Variants in CEP128 observed in about 807,000 individuals in gnomAD.
CEP128 encodes the protein centrosomal protein 128kDa.
Under a neutral mutation model 156.7 loss-of-function variants are expected in CEP128, and 132 were observed. The ratio of observed to expected loss-of-function variants is 0.84; its 90% confidence interval spans 0.73 to 0.97. The LOEUF is 0.97. CEP128 is among the 50% of genes least tolerant of loss of function. The probability of loss-of-function intolerance (pLI) is 0.00; values close to 1 mark genes in which losing one functional copy is unlikely to be tolerated. For synonymous variants in CEP128, 469 were observed against 448.9 expected, an observed-to-expected ratio of 1.04 and a Z score of -0.57; for missense variants, 1,252 against 1,281.9, an observed-to-expected ratio of 0.98 and a Z score of 0.36.
chr14:80,957,900 A>G (rs1886788055), intron 2 of CEP128: 1 of 152,248 alleles, frequency 6.6e-6, no homozygotes, highest in Non-Finnish European at 1.5e-5. Flanking sequence ...CAAGAAAAAG[A>G]CATAAAGACA....
intron 8 of CEP128, among the ~76,000 whole-genome samples, chr14:80,893,358 C>A (rs958175034): frequency 6.6e-6 from 1 of 151,628 alleles, no homozygotes; most frequent in African/African-American, 2.4e-5. Context: ...TGGGAAGATG[C>A]AGGTCAGAGG....
At position 80,503,091 on chromosome 14, in the gene CEP128, C is replaced by A. The variant is rs545090506; in HGVS notation, c.3181+1821G>T. Among the ~76,000 whole-genome samples, 343 of 152,096 alleles carry A rather than the reference C, an allele frequency of 2.3e-3. 1 individual carries two copies. Among genetic ancestry groups the A allele is most frequent in the Middle Eastern group, 6.8e-3 (2 of 294 alleles). On this transcript the variant is annotated intron_variant, in intron 24 of 24. Coordinates refer to ENST00000555265, the MANE Select transcript of CEP128 (RefSeq NM_152446.5). Reference sequence around the variant, plus strand: ...TAGGTCTGGGAAGAAAATCATAAAACAAACTTGTACACAAGAAAAATAGTA... The same window carrying A: ...TAGGTCTGGGAAGAAAATCATAAAAAAAACTTGTACACAAGAAAAATAGTA...
intron 20 of CEP128, among the ~76,000 whole-genome samples, chr14:80,563,814 C>A (rs1890799045): frequency 1.3e-5 from 2 of 151,900 alleles, no homozygotes; most frequent in Admixed American, 6.6e-5. Context: ...GGATTACAGG[C>A]GTGAGTCACT....
chr14:80,764,505 C>CAA (rs796700170), intron 16 of CEP128, among the ~76,000 whole-genome samples: 1 of 87,564 alleles, frequency 1.1e-5, no homozygotes, highest in East Asian at 3.3e-4. Context: ...GACTCCGTCT[C>CAA]AAAAAAAAAA....
chr14:80,610,727 A>T (rs948640307), intron 19 of CEP128, among the ~76,000 whole-genome samples: 3 of 152,182 alleles, frequency 2.0e-5, no homozygotes, highest in Admixed American at 6.5e-5. Flanking sequence ...GTGCAAAATG[A>T]CTTATGCATG....
chr14:80,743,471 G>A lies in CEP128; in HGVS notation c.2614-204C>T, dbSNP rs139784880. On this transcript the variant is annotated intron_variant, in intron 18 of 24. Coordinates refer to ENST00000555265, the MANE Select transcript of CEP128 (RefSeq NM_152446.5). ...GTTCAGAAATTAAGCCATGGTATTCGTAGATTTTTAAAAAATATTTTGTGT... is the reference window on the plus strand; with the variant it reads ...GTTCAGAAATTAAGCCATGGTATTCATAGATTTTTAAAAAATATTTTGTGT... Among the ~76,000 whole-genome samples the A allele has an allele frequency of 3.9e-5, 6 of 152,186 alleles. No homozygotes were observed. The East Asian group carries it at 5.8e-4, about 15-fold the overall frequency.
At chr14:80,947,657 G>A (rs1886376470) in intron 2 of CEP128, among the ~76,000 whole-genome samples, 1 of 152,014 alleles carries the variant, frequency 6.6e-6, no homozygotes, top group Non-Finnish European at 1.5e-5. Context: ...TGATTTGGAA[G>A]GAAATACCAT....
chr14:80,909,109 A>G (rs2037072620), intron 4 of CEP128, among the ~76,000 whole-genome samples: 1 of 118,836 alleles, frequency 8.4e-6, no homozygotes, highest in African/African-American at 2.9e-5. Context: ...AGTCCCAAAT[A>G]TAAGACTTAC....
chr14:80,698,455 A>G (rs549068832), intron 19 of CEP128, among the ~76,000 whole-genome samples: 2 of 152,282 alleles, frequency 1.3e-5, no homozygotes, highest in African/African-American at 4.8e-5. Context: ...AATAACCCTC[A>G]GAGGTAGGTA....
chr14:80,480,007 T>C (rs1427549207), intron 14 of CEP128, among the ~76,000 whole-genome samples: 1 of 152,188 alleles, frequency 6.6e-6, no homozygotes, highest in Non-Finnish European at 1.5e-5. Context: ...GCCATGGTCT[T>C]GGGCAGCTCC....
intron 23 of CEP128, among the ~76,000 whole-genome samples, chr14:80,515,280 G>A (rs1216665266): frequency 2.0e-5 from 3 of 152,302 alleles, no homozygotes; most frequent in Middle Eastern, 3.4e-3. Flanking sequence ...TTCCTTCAGA[G>A]TGGTGAGCTC....
At chr14:80,655,342 T>A (rs1427116026) in intron 19 of CEP128, among the ~76,000 whole-genome samples, 1 of 152,200 alleles carries the variant, frequency 6.6e-6, no homozygotes, top group East Asian at 1.9e-4. Context: ...TCACACCCTA[T>A]GTACATCCAT....
intron 19 of CEP128, among the ~76,000 whole-genome samples, chr14:80,654,734 T>G (rs1895056280): frequency 6.6e-6 from 1 of 152,164 alleles, no homozygotes; most frequent in South Asian, 2.1e-4. Flanking sequence ...TTTTGCCTTT[T>G]TCTCTTTCTA....
intron 16 of CEP128, among the ~76,000 whole-genome samples, chr14:80,762,069 C>G (rs1264266077): frequency 6.6e-6 from 1 of 152,036 alleles, no homozygotes; most frequent in Non-Finnish European, 1.5e-5. Context: ...CTTTATCTCA[C>G]CAAAACATAG....
intron 19 of CEP128, among the ~76,000 whole-genome samples, chr14:80,616,384 A>T (rs1436556523): frequency 6.6e-6 from 1 of 152,118 alleles, no homozygotes; most frequent in Admixed American, 6.5e-5. Context: ...AGAGATGATT[A>T]TTTTCCCCAT....
At chr14:80,892,939 T>C (rs905763870) in intron 8 of CEP128, among the ~76,000 whole-genome samples, 3 of 151,784 alleles carry the variant, frequency 2.0e-5, no homozygotes, top group African/African-American at 4.8e-5. Flanking sequence ...TAATTAAAAA[T>C]AGAACTACCA....
intron 21 of CEP128, among the ~76,000 whole-genome samples, chr14:80,552,316 AAAAAACACAAAT>A: frequency 6.6e-6 from 1 of 151,938 alleles, no homozygotes; most frequent in Non-Finnish European, 1.5e-5. Flanking sequence ...TCTCAAAAAA[AAAAAACACAAAT>A]AAAAACAAAA....
Position 80,650,045 on chromosome 14 carries a change from T to A in CEP128, c.2807-69622A>T, listed in dbSNP as rs567878022. 6.6e-5 allele frequency among the ~76,000 whole-genome samples: 10 copies of A among 152,302 alleles called. No homozygotes were observed. The South Asian group carries it at 2.1e-3, about 32-fold the overall frequency. ...TCATGATATTGATTCTTCCTATCCA[T>A]GAGCATGGAATGTTTTTCCATTTGT... On this transcript the variant is annotated intron_variant, in intron 19 of 24. Coordinates refer to ENST00000555265, the MANE Select transcript of CEP128 (RefSeq NM_152446.5).
At chr14:80,625,918 A>G (rs918981848) in intron 19 of CEP128, among the ~76,000 whole-genome samples, 2 of 150,368 alleles carry the variant, frequency 1.3e-5, no homozygotes, top group Middle Eastern at 3.2e-3. Flanking sequence ...TTACCATATC[A>G]GATTAGTTCT....
Sources: allele counts gnomAD v4.1 joint callset (sites outside exome capture counted in the v4.1 genomes callset), GRCh38; gene constraint gnomAD v4.1.1; transcripts MANE v1.5; gene names NCBI Gene and HGNC (gene_info 2026-07-23, HGNC 2026-07-21).